Variants in EBF2 observed in about 807,000 individuals in gnomAD.
EBF2 encodes transcription factor COE2.
In EBF2, 21 loss-of-function variants were observed where a neutral mutation model predicts 72.8. The observed-to-expected ratio is 0.29, with a 90% CI of 0.20 to 0.42. EBF2 has a LOEUF of 0.42. Among genes scored for constraint, EBF2 ranks in the 10% least tolerant of loss-of-function variants. EBF2 has a pLI of 1.00. For synonymous variants in EBF2, 299 were observed against 274.2 expected (o/e 1.09, Z -0.89); for missense variants, 637 against 731.2 (o/e 0.87, Z 1.49).
At chr8:25,888,317 C>T (rs1802726277) in intron 8 of EBF2, among the ~76,000 whole-genome samples, 2 of 152,198 alleles carry the variant, frequency 1.3e-5, no homozygotes, top group South Asian at 2.1e-4. Context: ...CCAAGAAGTT[C>T]AAGCTGAGAT....
intron 10 of EBF2, among the ~76,000 whole-genome samples, chr8:25,866,459 TA>T (rs1563381330): frequency 2.2e-5 from 3 of 137,836 alleles, no homozygotes; most frequent in African/African-American, 8.1e-5. Context: ...TATATATATA[TA>T]ATATATAGGA....
intron 7 of EBF2, among the ~76,000 whole-genome samples, chr8:25,901,811 G>A (rs963223575): frequency 2.6e-5 from 4 of 152,318 alleles, no homozygotes; most frequent in African/African-American, 9.6e-5. Context: ...AACACAGCTG[G>A]CACTGTACGG....
At chr8:25,959,010 A>T (rs929484394) in intron 6 of EBF2, among the ~76,000 whole-genome samples, 1 of 152,208 alleles carries the variant, frequency 6.6e-6, no homozygotes, top group African/African-American at 2.4e-5. Flanking sequence ...TGGGAACCTC[A>T]TAAGGTTAGG....
At chr8:25,931,820 C>T (rs1173698413) in intron 6 of EBF2, among the ~76,000 whole-genome samples, 1 of 152,290 alleles carries the variant, frequency 6.6e-6, no homozygotes, top group Admixed American at 6.5e-5. Context: ...TAACGCCCAT[C>T]GGCTACACAA....
At chr8:25,861,586 A>G (rs1353538422) in intron 11 of EBF2, among the ~76,000 whole-genome samples, 3 of 151,942 alleles carry the variant, frequency 2.0e-5, no homozygotes, top group Admixed American at 2.0e-4. Context: ...ACCTCTATAA[A>G]ATGGCTCTAT....
intron 14 of EBF2, among the ~76,000 whole-genome samples, chr8:25,854,259 A>C (rs1422146337): frequency 6.6e-6 from 1 of 150,630 alleles, no homozygotes; most frequent in Non-Finnish European, 1.5e-5. Flanking sequence ...AAAAAGCAAG[A>C]GATGAATAAA....
chr8:25,865,039 G>T (rs1802285202), intron 10 of EBF2, among the ~76,000 whole-genome samples: 1 of 152,046 alleles, frequency 6.6e-6, no homozygotes, highest in Admixed American at 6.6e-5. Context: ...CTGACCTCGT[G>T]ATCCGCCTGC....
chr8:25,949,406 T>C lies in EBF2; in HGVS notation c.552-40851A>G, dbSNP rs1803821794. Among the ~76,000 whole-genome samples the C allele has an allele frequency of 2.0e-5, 3 of 152,192 alleles. No individual in the cohort carries two copies. In the South Asian group the frequency reaches 6.2e-4, roughly 32 times the overall value. ...TTGTTATATTTAACATAGGTCCTCT[T>C]TTGGTTTGGAAAAAACCAAACCACT... On this transcript the variant is annotated intron_variant, in intron 6 of 15. Coordinates refer to ENST00000520164, the MANE Select transcript of EBF2 (RefSeq NM_022659.4).
At chr8:25,980,787 CAAAAAA>C (rs34271943) in intron 6 of EBF2, among the ~76,000 whole-genome samples, 4 of 67,146 alleles carry the variant, frequency 6.0e-5, no homozygotes, top group South Asian at 7.4e-4. Flanking sequence ...GAGGCCACCA[CAAAAAA>C]AAAAAAAAAA....
chr8:25,862,974 T>A (rs1212220263), intron 10 of EBF2, among the ~76,000 whole-genome samples, 177 bp from the exon 11 acceptor site: 1 of 151,602 alleles, frequency 6.6e-6, no homozygotes, highest in East Asian at 1.9e-4. Flanking sequence ...AGTACTTTTA[T>A]AGTTTCCTAT....
At chr8:26,022,374 T>G (rs1321505412) in intron 6 of EBF2, among the ~76,000 whole-genome samples, 1 of 152,228 alleles carries the variant, frequency 6.6e-6, no homozygotes, top group Non-Finnish European at 1.5e-5. Flanking sequence ...TGTACAATTG[T>G]GCATAAAGCA....
At chr8:25,850,551 C>CTTTG (rs780420771) in intron 15 of EBF2, 43 bp downstream of exon 15, 16 of 1,485,812 alleles carry the variant, frequency 1.1e-5, no homozygotes, top group African/African-American at 1.5e-5. Context: ...CTTTGCCAAC[C>CTTTG]CTATGGTACA....
At chr8:25,960,104 G>A (rs1318241340) in intron 6 of EBF2, among the ~76,000 whole-genome samples, 1 of 152,112 alleles carries the variant, frequency 6.6e-6, no homozygotes, top group Non-Finnish European at 1.5e-5. Context: ...GAACTTCACT[G>A]GCCACCCAGA....
chr8:25,899,293 T>C (rs1239107063), intron 7 of EBF2, among the ~76,000 whole-genome samples: 1 of 151,860 alleles, frequency 6.6e-6, no homozygotes, highest in Non-Finnish European at 1.5e-5. Context: ...TAACTAGGAC[T>C]ATCTGGTTTG....
chr8:26,017,740 G>T (rs990145398), intron 6 of EBF2, among the ~76,000 whole-genome samples: 1 of 152,186 alleles, frequency 6.6e-6, no homozygotes, highest in Non-Finnish European at 1.5e-5. Flanking sequence ...AGAACAATCT[G>T]AAAATGTTCC....
intron 14 of EBF2, among the ~76,000 whole-genome samples, chr8:25,856,712 C>T (rs1183597261): frequency 6.6e-6 from 1 of 152,154 alleles, no homozygotes; most frequent in Admixed American, 6.5e-5. Flanking sequence ...CACCAGACAC[C>T]ACCTCCAGGA....
At chr8:25,953,730 G>C (rs570284959) in intron 6 of EBF2, among the ~76,000 whole-genome samples, 6 of 152,216 alleles carry the variant, frequency 3.9e-5, no homozygotes, top group Admixed American at 1.3e-4. Context: ...ACTCCTTCTG[G>C]CTCCAGTGCC....
intron 7 of EBF2, among the ~76,000 whole-genome samples, chr8:25,894,492 C>A (rs1302144534): frequency 3.3e-5 from 5 of 152,192 alleles, no homozygotes; most frequent in African/African-American, 1.2e-4. Flanking sequence ...GCTGACCCTT[C>A]CCATCTGGAA....
At chr8:26,004,003 G>A (rs1409036905) in intron 6 of EBF2, among the ~76,000 whole-genome samples, 1 of 152,016 alleles carries the variant, frequency 6.6e-6, no homozygotes, top group African/African-American at 2.4e-5. Context: ...CATTAGGAGA[G>A]GCGTTGTCCT....
Sources: allele counts gnomAD v4.1 joint callset (sites outside exome capture counted in the v4.1 genomes callset), GRCh38; gene constraint gnomAD v4.1.1; transcripts MANE v1.5; gene names NCBI Gene and HGNC (gene_info 2026-07-23, HGNC 2026-07-21).